The following GINS1 variants were observed in gnomAD, a reference collection of about 807,000 sequenced individuals.
GINS1 encodes the protein GINS complex subunit 1.
Under a neutral mutation model 34.9 loss-of-function variants are expected in GINS1, and 26 were observed. That is an observed-to-expected ratio of 0.74 (90% CI 0.55 to 1.03). The LOEUF is 1.03. Among genes scored for constraint, GINS1 ranks in the 50% least tolerant of loss-of-function variants. The probability of loss-of-function intolerance (pLI) is 0.00; values close to 1 mark genes in which losing one functional copy is unlikely to be tolerated. For missense variants in GINS1, 235 were observed against 237.9 expected (o/e 0.99, Z 0.08); for synonymous variants, 97 against 84.4 (o/e 1.15, Z -0.82).
chr20:25,423,739 G>T (rs566552431), intron 4 of GINS1, among the ~76,000 whole-genome samples: 2 of 149,314 alleles, frequency 1.3e-5, no homozygotes, highest in African/African-American at 4.9e-5. Context: ...TCAGCCTCCC[G>T]AGTAGCTGGG....
intron 6 of GINS1, among the ~76,000 whole-genome samples, chr20:25,444,822 C>T (rs2090502191): frequency 6.6e-6 from 1 of 152,172 alleles, no homozygotes; most frequent in East Asian, 1.9e-4. Context: ...CCGGCATCTT[C>T]CCATGTACCA....
intron 1 of GINS1, among the ~76,000 whole-genome samples, chr20:25,408,485 G>T (rs968981547): frequency 2.6e-5 from 4 of 152,036 alleles, no homozygotes; most frequent in African/African-American, 7.3e-5. Context: ...TTAATATTAT[G>T]ATTATTTGTA....
At chr20:25,428,496 T>C (rs1034200957) in intron 5 of GINS1, among the ~76,000 whole-genome samples, 8 of 142,540 alleles carry the variant, frequency 5.6e-5, no homozygotes, top group African/African-American at 1.8e-4. Flanking sequence ...CTCTGCCTCC[T>C]GGGTTCACGC....
chr20:25,427,865 C>T (rs942997512), intron 5 of GINS1, among the ~76,000 whole-genome samples: 18 of 125,880 alleles, frequency 1.4e-4, no homozygotes, highest in Non-Finnish European at 1.8e-4. Context: ...CAGCCCAGTT[C>T]GTCATTTTTT....
At chr20:25,430,640 C>T (rs540304881) in intron 5 of GINS1, among the ~76,000 whole-genome samples, 9 of 152,342 alleles carry the variant, frequency 5.9e-5, no homozygotes, top group African/African-American at 2.2e-4. Context: ...AAGCGATTCT[C>T]CTGCCTCAGC....
At position 25,448,555 on chromosome 20, in the gene GINS1, CCTTT is replaced by C. The variant is rs1373409564; in HGVS notation, c.*2567_*2570del. 1.3e-5 allele frequency: 2 copies of C among 152,206 alleles called. No individual in the cohort carries two copies. Among genetic ancestry groups the C allele is most frequent in the Non-Finnish European group, 1.5e-5 (1 of 68,040 alleles). The allele number at this position is 152,206 out of a possible 1,614,324, so 9.4% of individuals were successfully genotyped here. A position where few individuals can be genotyped will look rare whatever the true frequency, so the allele number is the denominator to read the frequency against. ...CTATGAATAAAGAGTTTTACTCCTT[CCTTT>C]CTAATCTGAATGCCTTTTATTTCTT... On this transcript the variant is annotated 3_prime_UTR_variant, in exon 7 of 7. Transcript: ENST00000262460.
intron 4 of GINS1, among the ~76,000 whole-genome samples, chr20:25,424,762 A>C (rs1437834511): frequency 6.6e-6 from 1 of 152,198 alleles, no homozygotes; most frequent in Non-Finnish European, 1.5e-5. Context: ...TAATGGCAAT[A>C]CGTTTCAGAA....
intron 5 of GINS1, among the ~76,000 whole-genome samples, chr20:25,431,519 G>T (rs1057450430): frequency 1.3e-5 from 2 of 148,302 alleles, no homozygotes; most frequent in African/African-American, 2.5e-5. Flanking sequence ...GTCTTCTTTC[G>T]TTTTTGTTTT....
intron 5 of GINS1, among the ~76,000 whole-genome samples, chr20:25,427,796 T>C (rs1357755148): frequency 6.6e-6 from 1 of 151,988 alleles, no homozygotes; most frequent in African/African-American, 2.4e-5. Flanking sequence ...GTGTCTTTTT[T>C]TTTCTTTTTT....
chr20:25,427,282 C>G, intron 5 of GINS1, among the ~76,000 whole-genome samples: 1 of 152,138 alleles, frequency 6.6e-6, no homozygotes, highest in East Asian at 1.9e-4. Context: ...ACTGCAACCT[C>G]CACCTCCCAG....
chr20:25,413,420 G>T (rs1466685957), intron 1 of GINS1: 1 of 169,958 alleles, frequency 5.9e-6, no homozygotes, highest in Admixed American at 5.9e-5. Flanking sequence ...TGGACGTTTG[G>T]GTTGTTTCTA....
At chr20:25,445,033 T>C (rs1235740654) in intron 6 of GINS1, among the ~76,000 whole-genome samples, 1 of 152,226 alleles carries the variant, frequency 6.6e-6, no homozygotes, top group African/African-American at 2.4e-5. Context: ...TGGATTTCTC[T>C]GTGCATAAAT....
At chr20:25,433,374 A>T (rs1195736442) in intron 5 of GINS1, among the ~76,000 whole-genome samples, 2 of 152,080 alleles carry the variant, frequency 1.3e-5, no homozygotes, top group Non-Finnish European at 2.9e-5. Flanking sequence ...AGATACCAAG[A>T]TCCATGGATG....
intron 5 of GINS1, among the ~76,000 whole-genome samples, chr20:25,439,994 C>CAAA (rs34429395): frequency 1.6e-5 from 2 of 124,622 alleles, no homozygotes. Flanking sequence ...GACTCTGTCT[C>CAAA]AAAAAAAAAA....
intron 6 of GINS1, among the ~76,000 whole-genome samples, chr20:25,442,703 G>T (rs1002677365): frequency 6.6e-6 from 1 of 151,114 alleles, no homozygotes; most frequent in Non-Finnish European, 1.5e-5. Flanking sequence ...TGCCTCCTGG[G>T]CTCAAGTGAT....
chr20:25,408,932 A>G (rs1204331070), intron 1 of GINS1: 2 of 977,840 alleles, frequency 2.0e-6, no homozygotes, highest in Non-Finnish European at 2.4e-6. Flanking sequence ...GCACAAAAAC[A>G]GATAATAGAA....
intron 4 of GINS1, chr20:25,420,852 T>A: frequency 1.0e-6 from 1 of 976,540 alleles, no homozygotes; most frequent in Non-Finnish European, 1.2e-6. Flanking sequence ...TTAGTAGTGA[T>A]GTTTTGGAAA....
intron 5 of GINS1, among the ~76,000 whole-genome samples, chr20:25,440,905 T>C (rs2090479026): frequency 6.6e-6 from 1 of 151,138 alleles, no homozygotes; most frequent in Non-Finnish European, 1.5e-5. Context: ...TTAATTAAAA[T>C]ACTTTGGGTG....
intron 2 of GINS1, among the ~76,000 whole-genome samples, chr20:25,415,523 G>A (rs948531170): frequency 3.3e-5 from 5 of 151,900 alleles, no homozygotes; most frequent in African/African-American, 7.3e-5. Flanking sequence ...CCCTGTCTAC[G>A]AAAAATACAA....
Sources: gnomAD v4.1 joint callset for allele counts (sites outside exome capture counted in the v4.1 genomes callset) on GRCh38, gnomAD v4.1.1 for gene constraint, MANE v1.5 for transcripts, NCBI Gene and HGNC (gene_info 2026-07-23, HGNC 2026-07-21) for gene names.